MTUS1: variants seen among roughly 807,000 people sequenced by gnomAD.
MTUS1 encodes microtubule-associated tumor suppressor 1.
Under a neutral mutation model 120.8 loss-of-function variants are expected in MTUS1, and 109 were observed. The observed-to-expected ratio is 0.90, with a 90% CI of 0.77 to 1.06. The LOEUF is 1.06. Ranked by LOEUF, MTUS1 falls within the 50% of genes least tolerant of loss-of-function variation. MTUS1 has a pLI of 0.00. For synonymous variants in MTUS1, 737 were observed against 550.5 expected, an observed-to-expected ratio of 1.34 and a Z score of -4.74; for missense variants, 2,210 against 1,486.3, an observed-to-expected ratio of 1.49 and a Z score of -8.01.
intron 5 of MTUS1, among the ~76,000 whole-genome samples, chr8:17,714,894 C>CTTTTTTTTTTTT (rs34479493): frequency 1.8e-5 from 1 of 55,172 alleles, no homozygotes; most frequent in Non-Finnish European, 3.3e-5. Context: ...ACAAATAATG[C>CTTTTTTTTTTTT]TTTTTTTTTT....
Position 17,723,732 on chromosome 8 carries a change from T to C in MTUS1, c.2389A>G (p.Thr797Ala). 6.2e-7 allele frequency: 1 copy of C among 1,611,036 alleles called. No individual in the cohort carries two copies. The highest frequency in any genetic ancestry group is 8.5e-7 in the Non-Finnish European group (1 of 1,177,894). ...ASLKSPALRRTGSTPSIASTH... is the reference protein window; with the variant it reads ...ASLKSPALRRAGSTPSIASTH... ...CTGGCTATTGAGGGGGTGCTTCCTG[T>C]CCTCCGCAGCGCAGGACTTTTCAAA... The change falls in exon 4 of 15, where the codon ACA becomes GCA. Residue 797 changes from threonine to alanine, a missense_variant. By Grantham distance (58) the Thr-to-Ala change is moderately conservative. Coordinates refer to ENST00000693296, the MANE Select transcript of MTUS1 (RefSeq NM_001363059.2).
chr8:17,703,509 T>G (rs1819524831), intron 6 of MTUS1, among the ~76,000 whole-genome samples: 1 of 151,710 alleles, frequency 6.6e-6, no homozygotes, highest in South Asian at 2.1e-4. Flanking sequence ...GGTGCGCACC[T>G]GTAGTCCCAG....
At chr8:17,713,359 T>A in intron 5 of MTUS1, 107 bp from the exon 6 acceptor site, 1 of 732,428 alleles carries the variant, frequency 1.4e-6, no homozygotes, top group South Asian at 1.8e-5. Flanking sequence ...AATCGCTACA[T>A]TTCAGGTTCC....
chr8:17,671,640 G>T (rs57882018), intron 8 of MTUS1, among the ~76,000 whole-genome samples: 6,335 of 152,326 alleles, frequency 0.042, 444 homozygotes, highest in African/African-American at 0.14. Context: ...GCTGTTAGAT[G>T]CGGAAGGTGG....
intron 1 of MTUS1, among the ~76,000 whole-genome samples, chr8:17,774,846 C>T (rs2050286303): frequency 6.6e-6 from 1 of 151,858 alleles, no homozygotes; most frequent in Non-Finnish European, 1.5e-5. Context: ...TCAGTGGCCA[C>T]CACTGACAGA....
intron 1 of MTUS1, among the ~76,000 whole-genome samples, chr8:17,773,480 T>C (rs1421281364): frequency 2.6e-5 from 4 of 152,168 alleles, no homozygotes; most frequent in African/African-American, 4.8e-5. Flanking sequence ...TGCTACACCA[T>C]AGACTGGGTA....
intron 4 of MTUS1, among the ~76,000 whole-genome samples, chr8:17,721,422 T>C (rs1462607287): frequency 6.6e-6 from 1 of 152,216 alleles, no homozygotes; most frequent in African/African-American, 2.4e-5. Flanking sequence ...AGTTATTTCA[T>C]AAGAAATTAA....
chr8:17,708,458 A>C (rs57348658), intron 6 of MTUS1, among the ~76,000 whole-genome samples: 18 of 151,992 alleles, frequency 1.2e-4, no homozygotes, highest in African/African-American at 3.1e-4. Context: ...CCAAGTGTTG[A>C]CAAGGCTGTG....
chr8:17,800,406 C>G (rs1050380442), intron 1 of MTUS1, among the ~76,000 whole-genome samples: 3 of 152,184 alleles, frequency 2.0e-5, no homozygotes, highest in Non-Finnish European at 4.4e-5. Flanking sequence ...TTCAAACAAA[C>G]AGTATTTAAC....
chr8:17,668,586 C>T (rs1225837942), intron 8 of MTUS1, among the ~76,000 whole-genome samples: 1 of 152,190 alleles, frequency 6.6e-6, no homozygotes. Flanking sequence ...AAGAGAGTTA[C>T]AGCTCTCCTT....
Position 17,752,576 on chromosome 8 carries a change from A to C in MTUS1, c.2091+1141T>G, listed in dbSNP as rs139946421. On this transcript the variant is annotated intron_variant, in intron 2 of 14. Transcript: ENST00000693296. ...AAACTGATGTTTTAGAGAATCTAGAATATCTTCGGTCTTTCCTAACCTTGT... is the reference window on the plus strand; with the variant it reads ...AAACTGATGTTTTAGAGAATCTAGACTATCTTCGGTCTTTCCTAACCTTGT... Among the ~76,000 whole-genome samples the C allele has an allele frequency of 7.4e-4, 112 of 152,332 alleles. No individual in the cohort carries two copies. In the South Asian group the frequency reaches 0.012, roughly 16 times the overall value.
chr8:17,758,861 G>C lies in MTUS1; in HGVS notation c.-154-2900C>G, dbSNP rs963710780. On this transcript the variant is annotated intron_variant, in intron 1 of 14. Transcript: ENST00000693296. ...TTAAACCTCATATAAATTGAATTAA[G>C]GGCTCATATGTCAAAGTTATTTTTT... Among the ~76,000 whole-genome samples the C allele has an allele frequency of 1.8e-4, 28 of 152,148 alleles. 1 individual carries two copies. The highest frequency in any genetic ancestry group is 1.6e-3 in the Admixed American group (25 of 15,266).
chr8:17,647,488 A>G (rs28419292), intron 13 of MTUS1, among the ~76,000 whole-genome samples: 1,977 of 151,982 alleles, frequency 0.013, 51 homozygotes, highest in African/African-American at 0.045. Flanking sequence ...CCCACATCTG[A>G]TGAAAACTCA....
chr8:17,656,133 G>T, intron 8 of MTUS1, 68 bp from the exon 9 acceptor site: 2 of 1,403,988 alleles, frequency 1.4e-6, no homozygotes, highest in East Asian at 2.3e-5. Context: ...ATTCATTACA[G>T]TCACACACAG....
Position 17,688,809 on chromosome 8 carries a change from T to C in MTUS1, c.2624-4267A>G, listed in dbSNP as rs368032061. Among the ~76,000 whole-genome samples, 156 of 152,252 alleles carry C rather than the reference T, an allele frequency of 1.0e-3. 4 individuals carry two copies. The highest frequency in any genetic ancestry group is 3.4e-3 in the African/African-American group (143 of 41,580). ...GTTAACAGTAATAATTTAGGAGACA[T>C]ATATTTTTCTATTTACATATAATAT... On this transcript the variant is annotated intron_variant, in intron 6 of 14. Coordinates refer to ENST00000693296, the MANE Select transcript of MTUS1 (RefSeq NM_001363059.2).
At chr8:17,744,190 A>G (rs974517425) in intron 2 of MTUS1, among the ~76,000 whole-genome samples, 3 of 152,186 alleles carry the variant, frequency 2.0e-5, no homozygotes, top group Non-Finnish European at 4.4e-5. Flanking sequence ...TGTAGGGGCA[A>G]ATTTACATTC....
At chr8:17,653,541 G>T in intron 10 of MTUS1, 43 bp from the exon 11 acceptor site, 1 of 1,385,148 alleles carries the variant, frequency 7.2e-7, no homozygotes, top group Non-Finnish European at 1.0e-6. Flanking sequence ...AACATTCTAT[G>T]AGATCAATGT....
rs758978161 is a variant in MTUS1 at position 17,675,246 on chromosome 8, C to G, written c.2845G>C (p.Glu949Gln). 6 of 1,614,084 alleles carry G rather than the reference C, an allele frequency of 3.7e-6. No homozygotes were observed. Among genetic ancestry groups the G allele is most frequent in the Non-Finnish European group, 4.2e-6 (5 of 1,179,992 alleles). ...AGGGTTTTGTGTTGTTTCAGTGCTT[C>G]CTCCCGCTGCGGAAAACACACATCA... ...VIQHLLSERE[E>Q]ALKQHKTLSQ... Residue 949 changes from glutamate (E) to glutamine (Q), a missense_variant, in exon 8 of 15, where the codon GAA becomes CAA. Glu to Gln is a conservative substitution (Grantham distance 29). Coordinates refer to ENST00000693296, the MANE Select transcript of MTUS1 (RefSeq NM_001363059.2).
chr8:17,769,650 T>G lies in MTUS1; in HGVS notation c.-154-13689A>C, dbSNP rs148689715. 1.1e-4 allele frequency among the ~76,000 whole-genome samples: 17 copies of G among 152,202 alleles called. No homozygotes were observed. In the East Asian group the frequency reaches 2.3e-3, roughly 21 times the overall value. On this transcript the variant is annotated intron_variant, in intron 1 of 14. Coordinates refer to ENST00000693296, the MANE Select transcript of MTUS1 (RefSeq NM_001363059.2). ...GCGTGAGCCACCCGCGCCCGGCCCT[T>G]AGTCAGTAATCTTAATAAGGAAAAT... is the stretch of plus-strand genomic sequence containing the variant.
Sources: allele counts gnomAD v4.1 joint callset (sites outside exome capture counted in the v4.1 genomes callset), GRCh38; gene constraint gnomAD v4.1.1; transcripts MANE v1.5; gene names NCBI Gene and HGNC (gene_info 2026-07-23, HGNC 2026-07-21).